The following ERC2 variants were observed in gnomAD, a reference collection of about 807,000 sequenced individuals.
The protein encoded by ERC2 is ERC protein 2.
Under a neutral mutation model 114.8 loss-of-function variants are expected in ERC2, and 42 were observed. The observed-to-expected ratio is 0.37, with a 90% CI of 0.29 to 0.47. ERC2 has a LOEUF of 0.47. Ranked by LOEUF, ERC2 falls within the 20% of genes least tolerant of loss-of-function variation. The pLI is 0.99. For missense variants in ERC2, 939 were observed against 1,150.7 expected (o/e 0.82, Z 2.66); for synonymous variants, 454 against 425.5 (o/e 1.07, Z -0.82).
intron 13 of ERC2, among the ~76,000 whole-genome samples, chr3:55,935,830 G>T (rs4974153): frequency 0.27 from 40,348 of 151,940 alleles, 5,642 homozygotes; most frequent in Admixed American, 0.34. Context: ...AATGAGGAAG[G>T]TGCCCTCTGC....
chr3:56,324,576 G>A (rs538679041), intron 2 of ERC2, among the ~76,000 whole-genome samples: 4 of 152,240 alleles, frequency 2.6e-5, no homozygotes, highest in Admixed American at 1.3e-4. Flanking sequence ...ACCCACTGTA[G>A]GTAAGGGTCT....
rs1560057643 is a variant in ERC2 at position 56,032,993 on chromosome 3, A to AAG, written c.1642-13964_1642-13963dup. On this transcript the variant is annotated intron_variant, in intron 7 of 17. Transcript: ENST00000288221. ...AGAAAGAAAGAGAAAGAAAGAAAGA[A>AAG]AGAAAGAAAGAAAGAAAGAAAGAAA... Among the ~76,000 whole-genome samples the AAG allele has an allele frequency of 7.3e-5, 10 of 137,578 alleles. 1 individual carries two copies. Among genetic ancestry groups the AAG allele is most frequent in the Non-Finnish European group, 6.3e-5 (4 of 63,160 alleles). 90.3% of individuals were successfully genotyped at this position (137,578 alleles called of 152,430 possible). A position where few individuals can be genotyped will look rare whatever the true frequency, so the allele number is the denominator to read the frequency against.
chr3:56,077,967 T>C (rs968550189), intron 7 of ERC2, among the ~76,000 whole-genome samples: 1 of 152,146 alleles, frequency 6.6e-6, no homozygotes, highest in Non-Finnish European at 1.5e-5. Context: ...CAGTGTTCCA[T>C]ATAAGCAAGT....
At chr3:56,211,433 A>G (rs1405496116) in intron 3 of ERC2, among the ~76,000 whole-genome samples, 2 of 152,176 alleles carry the variant, frequency 1.3e-5, no homozygotes, top group African/African-American at 4.8e-5. Flanking sequence ...ACTACAAAAC[A>G]CTGCTGAAAG....
chr3:55,548,367 T>C (rs547177317), intron 17 of ERC2, among the ~76,000 whole-genome samples: 1 of 152,354 alleles, frequency 6.6e-6, no homozygotes. Flanking sequence ...AATTGACTAT[T>C]TGGTCAGTTG....
At chr3:55,675,754 G>A (rs1259931846) in intron 17 of ERC2, among the ~76,000 whole-genome samples, 3 of 151,982 alleles carry the variant, frequency 2.0e-5, no homozygotes, top group African/African-American at 7.2e-5. Flanking sequence ...ATGTTCTAGA[G>A]CAATACCTTC....
At chr3:55,926,239 T>A (rs187660826) in intron 13 of ERC2, among the ~76,000 whole-genome samples, 2 of 151,956 alleles carry the variant, frequency 1.3e-5, no homozygotes, top group South Asian at 4.2e-4. Flanking sequence ...AAAAGACATG[T>A]AGGATAGAAA....
intron 2 of ERC2, among the ~76,000 whole-genome samples, chr3:56,367,400 T>C (rs1333974294): frequency 6.6e-6 from 1 of 152,126 alleles, no homozygotes; most frequent in Non-Finnish European, 1.5e-5. Context: ...CCGCCTTGTC[T>C]TTTAGTTGCC....
chr3:55,904,972 A>G (rs116510482), intron 13 of ERC2, among the ~76,000 whole-genome samples: 1,875 of 152,306 alleles, frequency 0.012, 38 homozygotes, highest in African/African-American at 0.043. Flanking sequence ...TGGGAAGAGC[A>G]TTTTCTCCCC....
Position 55,553,210 on chromosome 3 carries a change from C to T in ERC2, c.*40-41934G>A, listed in dbSNP as rs183848227. Among the ~76,000 whole-genome samples, 617 of 150,996 alleles carry T rather than the reference C, an allele frequency of 4.1e-3. 5 individuals carry two copies. The highest frequency in any genetic ancestry group is 0.014 in the African/African-American group (581 of 41,118). ...CTAATTTTTGTATTTTTAGTAGAGA[C>T]GGGGTTTCATCATATTGGCCATGCT... is the stretch of plus-strand genomic sequence containing the variant. On this transcript the variant is annotated intron_variant, in intron 17 of 17. Transcript: ENST00000288221.
At chr3:56,433,360 G>A (rs57784387) in intron 2 of ERC2, among the ~76,000 whole-genome samples, 10,287 of 152,254 alleles carry the variant, frequency 0.068, 664 homozygotes, top group African/African-American at 0.17. Flanking sequence ...CAGAATAGGT[G>A]GGATTTGGAA....
intron 13 of ERC2, among the ~76,000 whole-genome samples, chr3:55,918,432 G>A (rs899751191): frequency 9.2e-5 from 14 of 152,106 alleles, no homozygotes; most frequent in African/African-American, 3.4e-4. Flanking sequence ...CTACCTTACA[G>A]AGAAATTTGG....
chr3:56,274,506 A>T (rs1349927601), intron 3 of ERC2, among the ~76,000 whole-genome samples: 1 of 89,594 alleles, frequency 1.1e-5, no homozygotes, highest in Non-Finnish European at 3.1e-5. Context: ...TTCAATCTGC[A>T]TTTGGTTGAA....
rs112238000 is a variant in ERC2, at chr3:55,534,082, C to G, written c.*40-22806G>C. On this transcript the variant is annotated intron_variant, in intron 17 of 17. Coordinates refer to ENST00000288221, the MANE Select transcript of ERC2 (RefSeq NM_015576.3). Reference sequence around the variant, plus strand: ...CCTCAGGAAAAGGATAACAGGAACTCCACACTGGATGGATGTGAAGATGTG... The same window carrying G: ...CCTCAGGAAAAGGATAACAGGAACTGCACACTGGATGGATGTGAAGATGTG... Among the ~76,000 whole-genome samples, 915 of 152,168 alleles carry G rather than the reference C, an allele frequency of 6.0e-3. 8 individuals are homozygous for G. The highest frequency in any genetic ancestry group is 0.021 in the African/African-American group (876 of 41,520).
intron 13 of ERC2, among the ~76,000 whole-genome samples, chr3:55,915,715 G>A (rs1339090515): frequency 1.3e-5 from 2 of 152,148 alleles, no homozygotes; most frequent in Non-Finnish European, 2.9e-5. Context: ...AGTAGTACAT[G>A]TATACAGAAA....
At chr3:56,320,628 G>A (rs1001751741) in intron 2 of ERC2, among the ~76,000 whole-genome samples, 4 of 151,912 alleles carry the variant, frequency 2.6e-5, no homozygotes, top group African/African-American at 7.3e-5. Flanking sequence ...TTACCATCAC[G>A]CCACTGACTT....
chr3:56,127,214 G>A (rs574344618), intron 6 of ERC2, among the ~76,000 whole-genome samples: 11 of 152,226 alleles, frequency 7.2e-5, no homozygotes, highest in African/African-American at 2.4e-4. Context: ...TCACGGATTG[G>A]AAGAATTACT....
chr3:55,883,076 A>G (rs1396473474), intron 14 of ERC2, among the ~76,000 whole-genome samples: 4 of 152,226 alleles, frequency 2.6e-5, no homozygotes, highest in African/African-American at 7.2e-5. Context: ...AAGTTTGTTC[A>G]TCTAAAAGAG....
intron 7 of ERC2, among the ~76,000 whole-genome samples, chr3:56,064,914 T>G (rs892768727): frequency 1.3e-5 from 2 of 152,352 alleles, no homozygotes; most frequent in East Asian, 3.9e-4. Flanking sequence ...TTGGACTTAT[T>G]TATTTACTCA....
Sources: allele counts gnomAD v4.1 joint callset (sites outside exome capture counted in the v4.1 genomes callset), GRCh38; gene constraint gnomAD v4.1.1; transcripts MANE v1.5; gene names NCBI Gene and HGNC (gene_info 2026-07-23, HGNC 2026-07-21).